RACGAP1: variants seen among roughly 807,000 people sequenced by gnomAD.
RACGAP1 encodes rac GTPase-activating protein 1.
In RACGAP1, 30 loss-of-function variants were observed where a neutral mutation model predicts 78.1. The ratio of observed to expected loss-of-function variants is 0.38; its 90% CI spans 0.29 to 0.52. The LOEUF is 0.52. Ranked by LOEUF, RACGAP1 falls within the 20% of genes least tolerant of loss-of-function variation. RACGAP1 has a pLI of 0.82. For missense variants in RACGAP1, 587 were observed against 777.1 expected, an observed-to-expected ratio of 0.76 and a Z score of 2.91; for synonymous variants, 231 against 264.8, an observed-to-expected ratio of 0.87 and a Z score of 1.24.
intron 7 of RACGAP1, among the ~76,000 whole-genome samples, chr12:50,000,314 A>G (rs1183982448): frequency 6.6e-6 from 1 of 150,748 alleles, no homozygotes. Flanking sequence ...CGCCTGGCCG[A>G]CTGATTTTTG....
At chr12:50,026,185 C>T (rs1950262248), upstream of RACGAP1, among the ~76,000 whole-genome samples, 1 of 151,966 alleles carries the variant, frequency 6.6e-6, no homozygotes, top group African/African-American at 2.4e-5. Flanking sequence ...TACGTTGCAA[C>T]CGGGTAATGA....
intron 2 of RACGAP1, among the ~76,000 whole-genome samples, chr12:50,010,732 A>G (rs1233463139): frequency 2.0e-5 from 3 of 151,856 alleles, no homozygotes; most frequent in African/African-American, 7.2e-5. Context: ...CGGGAGTTCG[A>G]GACCAGCCTG....
intron 7 of RACGAP1, among the ~76,000 whole-genome samples, chr12:50,000,565 C>T (rs1435854458): frequency 1.3e-5 from 2 of 151,866 alleles, no homozygotes; most frequent in South Asian, 2.1e-4. Context: ...CCCCGCAGTT[C>T]GAGTCATCCT....
At chr12:50,000,018 A>ATT (rs757681041) in intron 7 of RACGAP1, among the ~76,000 whole-genome samples, 8,421 of 99,646 alleles carry the variant, frequency 0.085, 1,469 homozygotes, top group African/African-American at 0.3. Context: ...CACCTGACTG[A>ATT]TTTTTTTTTT....
At position 50,005,261 on chromosome 12, in the gene RACGAP1, G is replaced by A. The variant is rs373442102; in HGVS notation, c.420C>T (p.Asn140=). Reference sequence around the variant, plus strand: ...AACAGATGCAGTTCCTCCACCTTTTGTTCCCAGCATTGCTGCTGGATGGTT... The same window carrying A: ...AACAGATGCAGTTCCTCCACCTTTTATTCCCAGCATTGCTGCTGGATGGTT... ...RGQPSSSNAG[N]KRLSTIDESG... is the part of the protein sequence containing the mutation. The change falls in exon 4 of 17, where the codon AAC becomes AAT. Residue 140 remains asparagine, a synonymous_variant. Coordinates refer to ENST00000312377, the MANE Select transcript of RACGAP1 (RefSeq NM_001319999.2). 3 of 1,614,096 alleles carry A rather than the reference G, an allele frequency of 1.9e-6. No individual in the cohort carries two copies. Among genetic ancestry groups the A allele is most frequent in the South Asian group, 1.1e-5 (1 of 91,080 alleles).
At chr12:49,991,479 ATT>A (rs1197357619) in intron 15 of RACGAP1, among the ~76,000 whole-genome samples, 56 of 24,058 alleles carry the variant, frequency 2.3e-3, no homozygotes, top group African/African-American at 6.2e-3. Context: ...ATATATATAT[ATT>A]TTTTTTTTTT....
rs947735882 is a variant in RACGAP1, at chr12:50,016,710, A to G, written c.6T>C (p.Asp2=). ...GATTCCGCACATTCAGCATCATAGT[A>G]TCCATCTTTCTGCCAAGAAATCAAA... M[D]TMMLNVRNLF... The change falls in exon 2 of 17, where the codon GAT becomes GAC. Residue 2 remains aspartate (D), a synonymous_variant. Coordinates refer to ENST00000312377, the MANE Select transcript of RACGAP1 (RefSeq NM_001319999.2). 1 of 1,613,636 alleles carries G rather than the reference A, an allele frequency of 6.2e-7. No homozygotes were observed. Among genetic ancestry groups the G allele is most frequent in the East Asian group, 2.2e-5 (1 of 44,874 alleles).
intron 2 of RACGAP1, among the ~76,000 whole-genome samples, chr12:50,008,706 T>G (rs1019614983): frequency 1.3e-5 from 2 of 152,062 alleles, no homozygotes; most frequent in African/African-American, 4.8e-5. Flanking sequence ...TTGGCTAGGC[T>G]GGTCTCAAAC....
Position 49,989,855 on chromosome 12 carries a change from C to A in RACGAP1, c.*413G>T, listed in dbSNP as rs115692957. 7.0e-3 allele frequency: 1,113 copies of A among 158,490 alleles called. 14 individuals carry two copies. The highest frequency in any genetic ancestry group is 0.025 in the African/African-American group (1,023 of 41,736). 9.8% of individuals were successfully genotyped at this position (158,490 alleles called of 1,614,324 possible). A position where few individuals can be genotyped will look rare whatever the true frequency, so the allele number is the denominator to read the frequency against. On this transcript the variant is annotated 3_prime_UTR_variant, in exon 17 of 17. Coordinates refer to ENST00000312377, the MANE Select transcript of RACGAP1 (RefSeq NM_001319999.2). Reference sequence around the variant, plus strand: ...CTCCCACTTCCCACCCTGAGACAAGCTAATCTTATCAGATAGGTAGGGTTT... The same window carrying A: ...CTCCCACTTCCCACCCTGAGACAAGATAATCTTATCAGATAGGTAGGGTTT...
At chr12:50,017,932 G>A (rs985876373) in intron 1 of RACGAP1, among the ~76,000 whole-genome samples, 1 of 152,092 alleles carries the variant, frequency 6.6e-6, no homozygotes, top group African/African-American at 2.4e-5. Context: ...CCAGGCGGGC[G>A]GATCACTTGA....
At chr12:49,995,077 G>T (rs781316568) in intron 10 of RACGAP1, among the ~76,000 whole-genome samples, 1 of 152,074 alleles carries the variant, frequency 6.6e-6, no homozygotes, top group Non-Finnish European at 1.5e-5. Flanking sequence ...GGCCAGGTGC[G>T]GTAGCTCACG....
In RACGAP1 at chr12:49,989,792, T is replaced by A. The variant is rs1947715303; in HGVS notation, c.*476A>T. On this transcript the variant is annotated 3_prime_UTR_variant, in exon 17 of 17. Coordinates refer to ENST00000312377, the MANE Select transcript of RACGAP1 (RefSeq NM_001319999.2). ...AACTTCTGGTTCTTAGAAGGAGGCA[T>A]CCTAAATCCTCTGGTCTAATCCTTT... The A allele has an allele frequency of 6.5e-6, 1 of 154,380 alleles. No homozygotes were observed. The highest frequency in any genetic ancestry group is 2.4e-5 in the African/African-American group (1 of 41,490). The allele number at this position is 154,380 out of a possible 1,614,324, so 9.6% of individuals were successfully genotyped here. A position where few individuals can be genotyped will look rare whatever the true frequency, so the allele number is the denominator to read the frequency against.
intron 2 of RACGAP1, among the ~76,000 whole-genome samples, chr12:50,014,297 A>T (rs1949524979): frequency 6.6e-6 from 1 of 152,238 alleles, no homozygotes; most frequent in South Asian, 2.1e-4. Flanking sequence ...ATTCCCTTGG[A>T]TCACATGTCA....
At chr12:50,017,831 A>G (rs969619966) in intron 1 of RACGAP1, among the ~76,000 whole-genome samples, 1 of 152,344 alleles carries the variant, frequency 6.6e-6, no homozygotes, top group East Asian at 1.9e-4. Context: ...AGAGCAAGAA[A>G]AAATATATAA....
At chr12:50,016,880 T>G (rs1592217994) in intron 1 of RACGAP1, 161 bp from the exon 2 acceptor site, 1 of 1,372,382 alleles carries the variant, frequency 7.3e-7, no homozygotes, top group East Asian at 2.6e-5. Flanking sequence ...GTGATTCTTA[T>G]TATAAAAACA....
rs1185590099 is a variant in RACGAP1 at position 49,991,492 on chromosome 12, T to A, written c.1714+506A>T. Among the ~76,000 whole-genome samples the A allele has an allele frequency of 1.3e-3, 131 of 98,434 alleles. 1 individual carries two copies. Among genetic ancestry groups the A allele is most frequent in the Admixed American group, 1.1e-3 (10 of 9,510 alleles). 64.6% of individuals were successfully genotyped at this position (98,434 alleles called of 152,430 possible). A position where few individuals can be genotyped will look rare whatever the true frequency, so the allele number is the denominator to read the frequency against. On this transcript the variant is annotated intron_variant, in intron 15 of 16. Transcript: ENST00000312377. ...ATATATATATATATTTTTTTTTTTT[T>A]TTTTTTTTTTTTTTTAGACAGAGTC...
Position 49,996,940 on chromosome 12 carries a change from A to T in RACGAP1, c.1044+100T>A, listed in dbSNP as rs1037906675. 36 of 1,371,708 alleles carry T rather than the reference A, an allele frequency of 2.6e-5. No individual in the cohort carries two copies. In the African/African-American group the frequency reaches 4.6e-4, roughly 17 times the overall value. The allele number at this position is 1,371,708 out of a possible 1,614,324, so 85.0% of individuals were successfully genotyped here. A position where few individuals can be genotyped will look rare whatever the true frequency, so the allele number is the denominator to read the frequency against. On this transcript the variant is annotated intron_variant, in intron 10 of 16. Transcript: ENST00000312377. Reference sequence around the variant, plus strand: ...TTCTAGTCATTATTTGTGGAAAGAAATATATTTGAGATGATTAATTTTAGA... The same window carrying T: ...TTCTAGTCATTATTTGTGGAAAGAATTATATTTGAGATGATTAATTTTAGA...
At chr12:50,016,960 C>T (rs1403261287) in intron 1 of RACGAP1, 2 of 1,258,578 alleles carry the variant, frequency 1.6e-6, no homozygotes, top group Admixed American at 3.9e-5. Flanking sequence ...AACAGCCCCT[C>T]CAATCACTTG....
intron 1 of RACGAP1, among the ~76,000 whole-genome samples, chr12:50,020,133 T>C (rs1251196566): frequency 6.6e-6 from 1 of 152,222 alleles, no homozygotes; most frequent in Non-Finnish European, 1.5e-5. Flanking sequence ...TTTGAAATGA[T>C]TCGGGCACTA....
Sources: allele counts gnomAD v4.1 joint callset (sites outside exome capture counted in the v4.1 genomes callset), GRCh38; gene constraint gnomAD v4.1.1; transcripts MANE v1.5; gene names NCBI Gene and HGNC (gene_info 2026-07-23, HGNC 2026-07-21).